ZNF580: variants seen among roughly 807,000 people sequenced by gnomAD.
ZNF580 encodes the protein zinc finger protein 580, also known as LDL-induced EC protein.
A neutral mutation model predicts 1.3 loss-of-function variants in ZNF580; 1 was observed. That is an observed-to-expected ratio of 0.77 (90% CI 0.27 to 3.65). ZNF580 has a LOEUF of 3.65. Ranked by LOEUF, ZNF580 falls within the 30% of genes most tolerant of loss-of-function variation. ZNF580 has a pLI of 0.19. For missense variants in ZNF580, 268 were observed against 272.3 expected, an observed-to-expected ratio of 0.98 and a Z score of 0.11; for synonymous variants, 135 against 128.8, an observed-to-expected ratio of 1.05 and a Z score of -0.32.
At chr19:55,641,238 G>A in intron 1 of ZNF580, 55 bp downstream of exon 1, 1 of 972,064 alleles carries the variant, frequency 1.0e-6, no homozygotes, top group Non-Finnish European at 1.2e-6. Context: ...GCCGGGGCCA[G>A]GCAGGCTGGG....
Position 55,642,648 on chromosome 19 carries a change from C to G in ZNF580, c.140C>G (p.Pro47Arg). The change falls in exon 2 of 2, where the codon CCC (proline) becomes CGC (arginine). Residue 47 changes from proline to arginine, a missense_variant. By Grantham distance (103) the Pro-to-Arg change is moderately radical. Around this residue, in one of 2 missense-constraint regions of ZNF580, gnomAD observed 225 missense variants for 201.7 expected, o/e 1.12. Coordinates refer to ENST00000325333, the MANE Select transcript of ZNF580 (RefSeq NM_207115.2). Reference protein sequence around the residue: ...STPSSAAGPRPPRLGRHLLID... With the variant: ...STPSSAAGPRRPRLGRHLLID... ...CCTTCCTCGGCGGCGGGGCCCCGAC[C>G]CCCGCGGCTGGGCCGCCACCTCCTC... The G allele has an allele frequency of 7.0e-7, 1 of 1,431,658 alleles. No individual in the cohort carries two copies. Among genetic ancestry groups the G allele is most frequent in the Non-Finnish European group, 9.2e-7 (1 of 1,091,364 alleles). 88.7% of individuals were successfully genotyped at this position (1,431,658 alleles called of 1,614,324 possible). A position where few individuals can be genotyped will look rare whatever the true frequency, so the allele number is the denominator to read the frequency against.
rs1055766436 is a variant in ZNF580, at chr19:55,643,096, C to G, written c.*69C>G. On this transcript the variant is annotated 3_prime_UTR_variant, in exon 2 of 2. Transcript: ENST00000325333. ...CAAGTCTGACCCACACAGCGTCACT[C>G]ACTCCCACACACACCCCCTGGCTCT... 7.6e-7 allele frequency: 1 copy of G among 1,321,946 alleles called. No homozygotes were observed. The highest frequency in any genetic ancestry group is 9.7e-7 in the Non-Finnish European group (1 of 1,032,224). The allele number at this position is 1,321,946 out of a possible 1,614,324, so 81.9% of individuals were successfully genotyped here.
At position 55,642,574 on chromosome 19, in the gene ZNF580, GC is replaced by G. The variant is rs777848292; in HGVS notation, c.72del (p.Lys25ArgfsTer166). 4.3e-6 allele frequency: 6 copies of G among 1,381,556 alleles called. No individual in the cohort carries two copies. Among genetic ancestry groups the G allele is most frequent in the South Asian group, 1.7e-5 (1 of 59,042 alleles). 85.6% of individuals were successfully genotyped at this position (1,381,556 alleles called of 1,614,324 possible). On this transcript the variant is annotated frameshift_variant, in exon 2 of 2. Coordinates refer to ENST00000325333, the MANE Select transcript of ZNF580 (RefSeq NM_207115.2). LOFTEE classifies it low-confidence loss of function (END_TRUNC). ...CCTCTCCGGAGGCCATGGACCCACC[GC>G]CCCCCAAGGCTCCCCCTTTCCCCAA... The part of the protein sequence containing the change: ...SSSPEAMDPP[P>X]PKAPPFPKAE...
Position 55,643,186 on chromosome 19 carries a change from C to T in ZNF580, c.*159C>T. On this transcript the variant is annotated 3_prime_UTR_variant, in exon 2 of 2. Coordinates refer to ENST00000325333, the MANE Select transcript of ZNF580 (RefSeq NM_207115.2). The stretch of plus-strand genomic sequence containing the variant: ...CCTTCCAAAGGGAGGAGCATCATTC[C>T]TTCCTTACCCCCTTTCTAGCTGTGT... The T allele has an allele frequency of 8.4e-7, 1 of 1,193,006 alleles. No homozygotes were observed. Among genetic ancestry groups the T allele is most frequent in the Non-Finnish European group, 1.1e-6 (1 of 930,362 alleles). 73.9% of individuals were successfully genotyped at this position (1,193,006 alleles called of 1,614,324 possible).
In ZNF580 at chr19:55,642,624, C is replaced by G; in HGVS notation, c.116C>G (p.Pro39Arg). Residue 39 changes from proline (P) to arginine (R), a missense_variant, in exon 2 of 2, where the codon CCT becomes CGT. Pro to Arg is a moderately radical substitution (Grantham distance 103). Transcript: ENST00000325333. The stretch of plus-strand genomic sequence containing the variant: ...AAGGCGGAAGGCCCCTCCTCCACTC[C>G]TTCCTCGGCGGCGGGGCCCCGACCC... ...FPKAEGPSST[P>R]SSAAGPRPPR... 1 of 1,454,242 alleles carries G rather than the reference C, an allele frequency of 6.9e-7. No individual in the cohort carries two copies. Among genetic ancestry groups the G allele is most frequent in the Non-Finnish European group, 9.1e-7 (1 of 1,104,294 alleles). 90.1% of individuals were successfully genotyped at this position (1,454,242 alleles called of 1,614,324 possible).
chr19:55,642,873 G>T lies in ZNF580; in HGVS notation c.365G>T (p.Cys122Phe). The T allele has an allele frequency of 6.4e-7, 1 of 1,565,488 alleles. No individual in the cohort carries two copies. The highest frequency in any genetic ancestry group is 8.6e-7 in the Non-Finnish European group (1 of 1,164,364). The change falls in exon 2 of 2, where the codon TGC becomes TTC. Residue 122 changes from cysteine to phenylalanine, a missense_variant. Transcript: ENST00000325333. ...CACTCGGACCTCAAGCCCTTCACGT[G>T]CGGCGCCTGCGGCAAGGCCTTCAAG... ...VSHSDLKPFT[C>F]GACGKAFKRS...
Position 55,641,190 on chromosome 19 carries a change from G to C in ZNF580, c.-13+7G>C. ...CGAGAGGCCGCCGCACGGGGTACGG[G>C]GGCCGGGATGGAGGGAGGAGCCTGG... On this transcript the variant is annotated splice_region_variant and intron_variant, in intron 1 of 1. Transcript: ENST00000325333. 1 of 985,290 alleles carries C rather than the reference G, an allele frequency of 1.0e-6. No individual in the cohort carries two copies. The highest frequency in any genetic ancestry group is 1.2e-6 in the Non-Finnish European group (1 of 829,812). The allele number at this position is 985,290 out of a possible 1,614,324, so 61.0% of individuals were successfully genotyped here. A position where few individuals can be genotyped will look rare whatever the true frequency, so the allele number is the denominator to read the frequency against.
chr19:55,642,148 G>GGT lies in ZNF580; in HGVS notation c.-12-348_-12-347dup, dbSNP rs1182665500. The GGT allele has an allele frequency of 4.8e-6, 5 of 1,049,832 alleles. No individual in the cohort carries two copies. The African/African-American group carries it at 8.4e-5, about 18-fold the overall frequency. The allele number at this position is 1,049,832 out of a possible 1,614,324, so 65.0% of individuals were successfully genotyped here. A position where few individuals can be genotyped will look rare whatever the true frequency, so the allele number is the denominator to read the frequency against. On this transcript the variant is annotated intron_variant, in intron 1 of 1. Transcript: ENST00000325333. ...AGGCCCGGGGTCTAAGATGTAAAGA[G>GGT]GTAAACAGATTTAGGGATTGATTGT...
At position 55,641,064 on chromosome 19, in the gene ZNF580, G is replaced by T; in HGVS notation, c.-132G>T. 1.0e-6 allele frequency: 1 copy of T among 985,230 alleles called. No homozygotes were observed. The highest frequency in any genetic ancestry group is 1.2e-6 in the Non-Finnish European group (1 of 829,838). 61.0% of individuals were successfully genotyped at this position (985,230 alleles called of 1,614,324 possible). ...CGCGCCCCCAGTCCCCGCGTCCCCG[G>T]CGCCGCCGGCCCGGAGCTGCCCGGA... On this transcript the variant is annotated 5_prime_UTR_variant, in exon 1 of 2. Transcript: ENST00000325333.
In ZNF580 at chr19:55,642,630, C is replaced by G; in HGVS notation, c.122C>G (p.Ser41Trp). The part of the protein sequence containing the change: ...KAEGPSSTPS[S>W]AAGPRPPRLG... Reference sequence around the variant, plus strand: ...GAAGGCCCCTCCTCCACTCCTTCCTCGGCGGCGGGGCCCCGACCCCCGCGG... The same window carrying G: ...GAAGGCCCCTCCTCCACTCCTTCCTGGGCGGCGGGGCCCCGACCCCCGCGG... The change falls in exon 2 of 2, where the codon TCG (serine) becomes TGG (tryptophan). Residue 41 changes from serine (S) to tryptophan (W), a missense_variant. By Grantham distance (177) the Ser-to-Trp change is radical. This residue lies in a region of ZNF580 where 225 missense variants were observed against 201.7 expected (regional missense o/e 1.12). Coordinates refer to ENST00000325333, the MANE Select transcript of ZNF580 (RefSeq NM_207115.2). The G allele has an allele frequency of 6.9e-7, 1 of 1,445,482 alleles. No individual in the cohort carries two copies. The highest frequency in any genetic ancestry group is 1.5e-5 in the South Asian group (1 of 66,716). The allele number at this position is 1,445,482 out of a possible 1,614,324, so 89.5% of individuals were successfully genotyped here.
Position 55,642,959 on chromosome 19 carries a change from A to G in ZNF580, c.451A>G (p.Thr151Ala). 7.1e-7 allele frequency: 1 copy of G among 1,418,280 alleles called. No homozygotes were observed. The highest frequency in any genetic ancestry group is 1.6e-5 in the South Asian group (1 of 64,166). 87.9% of individuals were successfully genotyped at this position (1,418,280 alleles called of 1,614,324 possible). ...THRARAGPPH[T>A]CPLCPRRFQD... is the part of the protein sequence containing the mutation. ...CCGCGCCCGCGCCGGGCCGCCGCACACCTGCCCGCTCTGCCCACGCCGCTT... is the reference window on the plus strand; with the variant it reads ...CCGCGCCCGCGCCGGGCCGCCGCACGCCTGCCCGCTCTGCCCACGCCGCTT... The change falls in exon 2 of 2, where the codon ACC (threonine) becomes GCC (alanine). Residue 151 changes from threonine to alanine, a missense_variant. Coordinates refer to ENST00000325333, the MANE Select transcript of ZNF580 (RefSeq NM_207115.2).
At chr19:55,642,138 G>A (rs912890437) in intron 1 of ZNF580, 7 of 1,026,742 alleles carry the variant, frequency 6.8e-6, no homozygotes, top group Non-Finnish European at 8.2e-6. Flanking sequence ...CGGGGTCTAA[G>A]ATGTAAAGAG....
In ZNF580 at chr19:55,642,535, C is replaced by A; in HGVS notation, c.27C>A (p.Pro9=). The change falls in exon 2 of 2, where the codon CCC becomes CCA. Residue 9 remains proline, a synonymous_variant. Coordinates refer to ENST00000325333, the MANE Select transcript of ZNF580 (RefSeq NM_207115.2). ...TGCTGCTGCTGCCGCCGCGGCCACC[C>A]CACCCTCGGTCCTCCTCTCCGGAGG... The part of the protein sequence containing the change: MLLLPPRP[P]HPRSSSPEAM... 4 of 1,442,370 alleles carry A rather than the reference C, an allele frequency of 2.8e-6. No homozygotes were observed. The highest frequency in any genetic ancestry group is 1.6e-5 in the South Asian group (1 of 62,804). 89.3% of individuals were successfully genotyped at this position (1,442,370 alleles called of 1,614,324 possible).
chr19:55,643,362 T>C lies in ZNF580; in HGVS notation c.*335T>C. ...CTGGAGCGGTGAACCGGTGGTTGTC[T>C]GCGGGGAAGAGATGATAAAGAGCAC... On this transcript the variant is annotated 3_prime_UTR_variant, in exon 2 of 2. Coordinates refer to ENST00000325333, the MANE Select transcript of ZNF580 (RefSeq NM_207115.2). The C allele has an allele frequency of 3.3e-6, 1 of 305,214 alleles. No individual in the cohort carries two copies. 18.9% of individuals were successfully genotyped at this position (305,214 alleles called of 1,614,324 possible).
At chr19:55,641,753 G>GT (rs1229919664) in intron 1 of ZNF580, 1 of 151,978 alleles carries the variant, frequency 6.6e-6, no homozygotes, top group Non-Finnish European at 1.5e-5. Context: ...GGGGGGCGGG[G>GT]TATACAGAAG....
At position 55,643,185 on chromosome 19, in the gene ZNF580, C is replaced by A. The variant is rs1042910211; in HGVS notation, c.*158C>A. 8.4e-6 allele frequency: 10 copies of A among 1,193,048 alleles called. No individual in the cohort carries two copies. In the African/African-American group the frequency reaches 1.6e-4, roughly 19 times the overall value. 73.9% of individuals were successfully genotyped at this position (1,193,048 alleles called of 1,614,324 possible). On this transcript the variant is annotated 3_prime_UTR_variant, in exon 2 of 2. Transcript: ENST00000325333. ...ACCTTCCAAAGGGAGGAGCATCATT[C>A]CTTCCTTACCCCCTTTCTAGCTGTG...
At chr19:55,642,030 G>A (rs1412610696) in intron 1 of ZNF580, 4 of 981,400 alleles carry the variant, frequency 4.1e-6, no homozygotes, top group African/African-American at 3.6e-5. Context: ...TGGGGGGGTA[G>A]GGGGCGGCAA....
At chr19:55,642,271 G>T in intron 1 of ZNF580, 1 of 1,242,070 alleles carries the variant, frequency 8.1e-7, no homozygotes, top group Non-Finnish European at 1.0e-6. Flanking sequence ...AGGAGGAGTG[G>T]CAGGTGGTGG....
Position 55,641,036 on chromosome 19 carries a change from C to G in ZNF580, c.-160C>G, listed in dbSNP as rs1982427978. 2 of 985,034 alleles carry G rather than the reference C, an allele frequency of 2.0e-6. No homozygotes were observed. The highest frequency in any genetic ancestry group is 4.7e-5 in the South Asian group (1 of 21,322). The allele number at this position is 985,034 out of a possible 1,614,324, so 61.0% of individuals were successfully genotyped here. ...CAGGGACTCCGCCAACCCCTCGCAC[C>G]CCCGCGCCCCCAGTCCCCGCGTCCC... On this transcript the variant is annotated 5_prime_UTR_variant, in exon 1 of 2. Transcript: ENST00000325333.
Sources: allele counts gnomAD v4.1 joint callset, GRCh38; gene constraint gnomAD v4.1.1; regional missense constraint gnomAD v4.1.1; transcripts MANE v1.5; gene names NCBI Gene and HGNC (gene_info 2026-07-23, HGNC 2026-07-21).